The following PREX2 variants were observed in gnomAD, a reference collection of about 807,000 sequenced individuals.
PREX2 encodes phosphatidylinositol-3,4,5-trisphosphate dependent Rac exchange factor 2.
In PREX2, 107 loss-of-function variants were observed where a neutral mutation model predicts 203.2. The ratio of observed to expected loss-of-function variants is 0.53; its 90% CI spans 0.45 to 0.62. PREX2 has a LOEUF of 0.62. Ranked by LOEUF, PREX2 falls within the 20% of genes least tolerant of loss-of-function variation. PREX2 has a pLI of 0.00. For missense variants in PREX2, 1,777 were observed against 1,955.9 expected (o/e 0.91, Z 1.72); for synonymous variants, 672 against 663.6 (o/e 1.01, Z -0.19).
At chr8:68,059,878 C>G (rs1030452560) in intron 10 of PREX2, among the ~76,000 whole-genome samples, 1 of 152,200 alleles carries the variant, frequency 6.6e-6, no homozygotes, top group African/African-American at 2.4e-5. Context: ...GTACCAGGTC[C>G]TCTCCATCTT....
chr8:68,117,843 A>G (rs903624535), intron 26 of PREX2, among the ~76,000 whole-genome samples: 2 of 152,158 alleles, frequency 1.3e-5, no homozygotes, highest in African/African-American at 2.4e-5. Context: ...AGTGTAACCA[A>G]TAAGTTATGA....
intron 1 of PREX2, among the ~76,000 whole-genome samples, chr8:67,991,109 G>T (rs779119870): frequency 6.6e-6 from 1 of 152,142 alleles, no homozygotes; most frequent in Non-Finnish European, 1.5e-5. Flanking sequence ...TGGGCTATAT[G>T]CTTGATTTTA....
intron 35 of PREX2, among the ~76,000 whole-genome samples, chr8:68,161,786 T>C (rs74670639): frequency 0.033 from 5,058 of 152,296 alleles, 106 homozygotes; most frequent in Middle Eastern, 0.061. Flanking sequence ...CTCTTATATC[T>C]GGTAGTTTTA....
intron 1 of PREX2, among the ~76,000 whole-genome samples, chr8:67,955,206 A>C (rs961660027): frequency 6.6e-6 from 1 of 151,788 alleles, no homozygotes; most frequent in African/African-American, 2.4e-5. Context: ...GCTTTTCTAA[A>C]ATCTTTCCTA....
chr8:68,049,822 G>A (rs1468261891), intron 8 of PREX2, among the ~76,000 whole-genome samples: 1 of 152,020 alleles, frequency 6.6e-6, no homozygotes, highest in Non-Finnish European at 1.5e-5. Context: ...AATGGCTTTA[G>A]TGAGGGTGTT....
At chr8:68,116,316 T>G (rs1477581767) in intron 26 of PREX2, among the ~76,000 whole-genome samples, 1 of 152,148 alleles carries the variant, frequency 6.6e-6, no homozygotes, top group Non-Finnish European at 1.5e-5. Flanking sequence ...TTTGGCTCTT[T>G]TTTCTCTCTT....
chr8:68,053,557 A>G (rs574209484), intron 9 of PREX2, among the ~76,000 whole-genome samples: 24 of 152,278 alleles, frequency 1.6e-4, no homozygotes, highest in African/African-American at 5.8e-4. Context: ...TAAATAGAAA[A>G]TTTGTTCAAT....
chr8:67,976,669 CAG>C (rs1189513790), intron 1 of PREX2, among the ~76,000 whole-genome samples: 1 of 55,282 alleles, frequency 1.8e-5, no homozygotes, highest in African/African-American at 7.0e-5. Context: ...GGGAGAGAGA[CAG>C]AGAGAGAGAC....
In PREX2 at chr8:68,191,778, ATG is replaced by A; in HGVS notation, c.4405_4406del (p.Val1469ArgfsTer2). The A allele has an allele frequency of 1.2e-6, 2 of 1,604,280 alleles. No individual in the cohort carries two copies. Among genetic ancestry groups the A allele is most frequent in the Non-Finnish European group, 1.7e-6 (2 of 1,171,300 alleles). Reference sequence around the variant, plus strand: ...CCAAACTCCACATCCAAAGCTGCCTATGTAGATAAGGTAAAAACAGATGATTA... The same window carrying A: ...CCAAACTCCACATCCAAAGCTGCCTATAGATAAGGTAAAAACAGATGATTA... On this transcript the variant is annotated frameshift_variant, in exon 36 of 40. Coordinates refer to ENST00000288368, the MANE Select transcript of PREX2 (RefSeq NM_024870.4). LOFTEE classifies it high-confidence loss of function.
intron 28 of PREX2, among the ~76,000 whole-genome samples, chr8:68,119,988 A>C (rs1810737026): frequency 6.6e-6 from 1 of 152,172 alleles, no homozygotes; most frequent in Non-Finnish European, 1.5e-5. Context: ...TTTTGTGTTA[A>C]TATATGGTAA....
chr8:68,226,221 C>G (rs1331528417), intron 39 of PREX2, among the ~76,000 whole-genome samples: 1 of 152,106 alleles, frequency 6.6e-6, no homozygotes, highest in Non-Finnish European at 1.5e-5. Flanking sequence ...CTCAGAAAGG[C>G]AAAGCACTCT....
intron 38 of PREX2, chr8:68,223,269 C>G (rs1303605110): frequency 6.6e-6 from 1 of 152,166 alleles, no homozygotes; most frequent in East Asian, 1.9e-4. Flanking sequence ...TGTAAAATTA[C>G]TTCAAAATAA....
chr8:68,030,583 C>T lies in PREX2; in HGVS notation c.630C>T (p.Asn210=). 6.2e-7 allele frequency: 1 copy of T among 1,613,676 alleles called. No homozygotes were observed. The highest frequency in any genetic ancestry group is 8.5e-7 in the Non-Finnish European group (1 of 1,179,710). ...ALQAMKAVCS[N]INEAKRQMEK... The stretch of plus-strand genomic sequence containing the variant: ...AAGCCATGAAAGCTGTCTGTTCCAA[C>T]ATAAACGAGGCCAAGAGACAGATGG... Residue 210 remains asparagine (N), a synonymous_variant, in exon 6 of 40, where the codon AAC becomes AAT. Transcript: ENST00000288368.
At chr8:68,125,123 T>TA (rs1810861670) in intron 30 of PREX2, among the ~76,000 whole-genome samples, 1 of 152,084 alleles carries the variant, frequency 6.6e-6, no homozygotes, top group Admixed American at 6.6e-5. Flanking sequence ...TGTTAGGAGT[T>TA]AAAAAAGCAT....
chr8:68,214,333 G>A (rs372318374), intron 37 of PREX2, among the ~76,000 whole-genome samples: 1 of 152,148 alleles, frequency 6.6e-6, no homozygotes, highest in Non-Finnish European at 1.5e-5. Flanking sequence ...CCAGGAAGTC[G>A]AAGCTGCAGC....
chr8:68,109,379 T>A lies in PREX2; in HGVS notation c.2939-37T>A, dbSNP rs774834663. 4 of 1,496,952 alleles carry A rather than the reference T, an allele frequency of 2.7e-6. No homozygotes were observed. In the Admixed American group the frequency reaches 5.5e-5, roughly 21 times the overall value. 92.7% of individuals were successfully genotyped at this position (1,496,952 alleles called of 1,614,324 possible). On this transcript the variant is annotated intron_variant, in intron 24 of 39. Coordinates refer to ENST00000288368, the MANE Select transcript of PREX2 (RefSeq NM_024870.4). ...CTGGGTTGTTATCGCAAGTTAAAGG[T>A]GATACATATTACTAAGGAATGACTT... is the stretch of plus-strand genomic sequence containing the variant.
chr8:67,990,659 G>A (rs1276795454), intron 1 of PREX2, among the ~76,000 whole-genome samples: 5 of 151,860 alleles, frequency 3.3e-5, no homozygotes, highest in Admixed American at 6.6e-5. Flanking sequence ...ACAGGTGCCC[G>A]CCACCATGCC....
chr8:67,982,998 A>G (rs1363128192), intron 1 of PREX2, among the ~76,000 whole-genome samples: 2 of 152,122 alleles, frequency 1.3e-5, no homozygotes, highest in Non-Finnish European at 2.9e-5. Flanking sequence ...TCTTTATTTG[A>G]TTTAGTTGAA....
chr8:67,957,449 T>G (rs1196972296), intron 1 of PREX2, among the ~76,000 whole-genome samples: 1 of 152,172 alleles, frequency 6.6e-6, no homozygotes, highest in Non-Finnish European at 1.5e-5. Context: ...GAGAGCTAGA[T>G]TTTATGGCTT....
Sources: allele counts gnomAD v4.1 joint callset (sites outside exome capture counted in the v4.1 genomes callset), GRCh38; gene constraint gnomAD v4.1.1; transcripts MANE v1.5; gene names NCBI Gene and HGNC (gene_info 2026-07-23, HGNC 2026-07-21).